Variants in ACSS3 observed in about 807,000 individuals in gnomAD.
ACSS3 encodes the protein acyl-CoA synthetase short-chain family member 3, mitochondrial.
ACSS3 carries 64 observed loss-of-function variants against 84.2 expected under a neutral mutation model. That is an observed-to-expected ratio of 0.76 (90% confidence interval 0.62 to 0.94). The LOEUF (loss-of-function observed/expected upper bound fraction) is 0.94. Among genes scored for constraint, ACSS3 ranks in the 40% least tolerant of loss-of-function variants. The pLI is 0.00. For synonymous variants in ACSS3, 317 were observed against 310.1 expected (o/e 1.02, Z -0.23); for missense variants, 815 against 867.6 (o/e 0.94, Z 0.76).
intron 2 of ACSS3, among the ~76,000 whole-genome samples, chr12:81,132,401 C>T (rs1885562100): frequency 6.6e-6 from 1 of 152,074 alleles, no homozygotes; most frequent in African/African-American, 2.4e-5. Context: ...TCTAGATTTT[C>T]TAGTTTATTT....
chr12:81,141,703 G>A (rs1295971679), intron 4 of ACSS3, among the ~76,000 whole-genome samples: 1 of 152,098 alleles, frequency 6.6e-6, no homozygotes, highest in African/African-American at 2.4e-5. Context: ...TTTGATGTTT[G>A]TATTTTGCAG....
chr12:81,251,863 A>C (rs554174041), intron 13 of ACSS3, among the ~76,000 whole-genome samples: 2 of 152,062 alleles, frequency 1.3e-5, no homozygotes, highest in East Asian at 3.9e-4. Context: ...ACATACAAAC[A>C]AACATAAAAA....
At chr12:81,236,039 T>G (rs1278689383) in intron 13 of ACSS3, among the ~76,000 whole-genome samples, 3 of 151,466 alleles carry the variant, frequency 2.0e-5, no homozygotes, top group Non-Finnish European at 4.4e-5. Context: ...CAGACACCCT[T>G]GTCTTGATCC....
At chr12:81,152,221 C>A in intron 7 of ACSS3, 125 bp downstream of exon 7, 1 of 623,426 alleles carries the variant, frequency 1.6e-6, no homozygotes, top group Non-Finnish European at 2.6e-6. Flanking sequence ...TATCTTCTTC[C>A]AGTTAAAAAT....
intron 12 of ACSS3, among the ~76,000 whole-genome samples, chr12:81,231,913 T>C (rs2033479327): frequency 6.6e-6 from 1 of 151,662 alleles, no homozygotes; most frequent in African/African-American, 2.4e-5. Flanking sequence ...GTCCTCATTT[T>C]TCACTAAGTA....
At chr12:81,197,248 CAG>C (rs1488817439) in intron 8 of ACSS3, among the ~76,000 whole-genome samples, 1 of 152,128 alleles carries the variant, frequency 6.6e-6, no homozygotes, top group Non-Finnish European at 1.5e-5. Context: ...CATTTATACT[CAG>C]AAATTAATTA....
At position 81,256,285 on chromosome 12, in the gene ACSS3, A is replaced by C. The variant is rs2136025974; in HGVS notation, c.*1363A>C. 6.6e-6 allele frequency: 1 copy of C among 152,306 alleles called. No individual in the cohort carries two copies. Among genetic ancestry groups the C allele is most frequent in the East Asian group, 1.9e-4 (1 of 5,176 alleles). The allele number at this position is 152,306 out of a possible 1,614,324, so 9.4% of individuals were successfully genotyped here. A position where few individuals can be genotyped will look rare whatever the true frequency, so the allele number is the denominator to read the frequency against. On this transcript the variant is annotated 3_prime_UTR_variant, in exon 16 of 16. Coordinates refer to ENST00000548058, the MANE Select transcript of ACSS3 (RefSeq NM_024560.4). ...GTTTTTATGTGAAATCTCTAATTTT[A>C]AAATAATAACTCATTAAAAATATTG... is the stretch of plus-strand genomic sequence containing the variant.
chr12:81,112,038 G>T (rs1460559812), intron 2 of ACSS3, among the ~76,000 whole-genome samples: 2 of 152,170 alleles, frequency 1.3e-5, no homozygotes, highest in Non-Finnish European at 2.9e-5. Flanking sequence ...AGTTAGAAAG[G>T]CACTCTGTTA....
intron 5 of ACSS3, among the ~76,000 whole-genome samples, chr12:81,145,442 G>A (rs1886296163): frequency 6.6e-6 from 1 of 152,150 alleles, no homozygotes; most frequent in Admixed American, 6.5e-5. Context: ...TATGAGTAAA[G>A]TACAGTCCTT....
chr12:81,175,252 G>C (rs1260542892), intron 8 of ACSS3, among the ~76,000 whole-genome samples: 1 of 152,044 alleles, frequency 6.6e-6, no homozygotes, highest in Admixed American at 6.6e-5. Flanking sequence ...CAGATAGATG[G>C]ATACAGATGT....
intron 8 of ACSS3, among the ~76,000 whole-genome samples, chr12:81,187,012 A>C (rs1030840845): frequency 1.3e-5 from 2 of 151,844 alleles, no homozygotes; most frequent in Non-Finnish European, 3.0e-5. Flanking sequence ...ATGCAATGGA[A>C]TACCATTTCG....
chr12:81,127,805 A>G (rs977560094), intron 2 of ACSS3, among the ~76,000 whole-genome samples: 27 of 152,088 alleles, frequency 1.8e-4, no homozygotes, highest in African/African-American at 6.5e-4. Flanking sequence ...TCGTACAAGC[A>G]TGATTTTCCT....
chr12:81,085,743 A>G (rs1376644679), intron 1 of ACSS3, among the ~76,000 whole-genome samples: 2 of 152,230 alleles, frequency 1.3e-5, no homozygotes, highest in Non-Finnish European at 1.5e-5. Context: ...ACCATAATTG[A>G]TATTTTTGAG....
intron 2 of ACSS3, among the ~76,000 whole-genome samples, chr12:81,116,998 ATT>A (rs962324172): frequency 1.3e-5 from 2 of 152,074 alleles, no homozygotes; most frequent in African/African-American, 4.8e-5. Flanking sequence ...TTACTTTGCC[ATT>A]TTAGAAATTG....
In ACSS3 at chr12:81,156,207, C is replaced by CACACA. The variant is rs1555176584; in HGVS notation, c.1098+4111_1098+4112insACACA. Among the ~76,000 whole-genome samples, 64 of 122,398 alleles carry CACACA rather than the reference C, an allele frequency of 5.2e-4. 1 individual carries two copies. Among genetic ancestry groups the CACACA allele is most frequent in the East Asian group, 1.5e-3 (7 of 4,774 alleles). 80.3% of individuals were successfully genotyped at this position (122,398 alleles called of 152,430 possible). ...GAAAACACACACACACACACACACA[C>CACACA]CCCACACACACACACACACACACGT... On this transcript the variant is annotated intron_variant, in intron 7 of 15. Transcript: ENST00000548058.
upstream of ACSS3, chr12:81,077,983 C>A (rs1880720285): frequency 1.5e-5 from 16 of 1,097,442 alleles, no homozygotes; most frequent in Non-Finnish European, 2.0e-5. Context: ...CCCGGCGACT[C>A]TAGTGTGGCT....
At chr12:81,187,623 A>G (rs1219660502) in intron 8 of ACSS3, among the ~76,000 whole-genome samples, 1 of 151,948 alleles carries the variant, frequency 6.6e-6, no homozygotes, top group Non-Finnish European at 1.5e-5. Context: ...ACAGTTGTCA[A>G]ATCAGACAAG....
Position 81,173,373 on chromosome 12 carries a change from T to A in ACSS3, c.1099-1415T>A, listed in dbSNP as rs150841767. 3.2e-3 allele frequency among the ~76,000 whole-genome samples: 485 copies of A among 152,190 alleles called. 3 individuals carry two copies. Among genetic ancestry groups the A allele is most frequent in the African/African-American group, 0.011 (465 of 41,540 alleles). On this transcript the variant is annotated intron_variant, in intron 7 of 15. Transcript: ENST00000548058. The stretch of plus-strand genomic sequence containing the variant: ...AAACAGTTGTGATAATAAAAATGAA[T>A]TTTCAGCTGCAGGAAATACTTTCTT...
intron 11 of ACSS3, among the ~76,000 whole-genome samples, chr12:81,220,983 C>G (rs940510182): frequency 1.3e-5 from 2 of 151,974 alleles, no homozygotes; most frequent in Non-Finnish European, 2.9e-5. Context: ...CTGGGTCAAA[C>G]AGTATCATCT....
Sources: gnomAD v4.1 joint callset for allele counts (sites outside exome capture counted in the v4.1 genomes callset) on GRCh38, gnomAD v4.1.1 for gene constraint, MANE v1.5 for transcripts, NCBI Gene and HGNC (gene_info 2026-07-23, HGNC 2026-07-21) for gene names.